Variants in ZRANB3 observed in about 807,000 individuals in gnomAD.
ZRANB3 encodes DNA annealing helicase and endonuclease ZRANB3.
In ZRANB3, 125 loss-of-function variants were observed where a neutral mutation model predicts 133.8. The ratio of observed to expected loss-of-function variants is 0.93; its 90% CI spans 0.81 to 1.08. The LOEUF is 1.08. Ranked by LOEUF, ZRANB3 falls within the 50% of genes least tolerant of loss-of-function variation. The probability of loss-of-function intolerance (pLI) is 0.00; values close to 1 mark genes in which losing one functional copy is unlikely to be tolerated. For missense variants in ZRANB3, 1,229 were observed against 1,275.5 expected (o/e 0.96, Z 0.56); for synonymous variants, 387 against 432.7 (o/e 0.89, Z 1.31).
At chr2:135,426,889 T>A (rs1383550671) in intron 2 of ZRANB3, among the ~76,000 whole-genome samples, 6 of 55,246 alleles carry the variant, frequency 1.1e-4, no homozygotes, top group African/African-American at 2.4e-4. Context: ...TATATATATA[T>A]ATATATATAT....
At chr2:135,233,792 A>G (rs1298006425) in intron 12 of ZRANB3, among the ~76,000 whole-genome samples, 2 of 152,210 alleles carry the variant, frequency 1.3e-5, no homozygotes, top group East Asian at 3.8e-4. Context: ...TCCTGAAGGA[A>G]GCACTAAACA....
At chr2:135,233,378 T>C (rs1007655612) in intron 12 of ZRANB3, among the ~76,000 whole-genome samples, 1 of 152,202 alleles carries the variant, frequency 6.6e-6, no homozygotes, top group Non-Finnish European at 1.5e-5. Flanking sequence ...TGCAGGATAT[T>C]ATCCGGGAGA....
chr2:135,286,208 T>G (rs751827097), intron 8 of ZRANB3, among the ~76,000 whole-genome samples: 108 of 151,692 alleles, frequency 7.1e-4, no homozygotes, highest in Non-Finnish European at 6.3e-4. Context: ...GTGTAGTCTT[T>G]TATCCCTTAC....
At chr2:135,397,014 C>T (rs1385980344) in intron 2 of ZRANB3, among the ~76,000 whole-genome samples, 4 of 152,002 alleles carry the variant, frequency 2.6e-5, no homozygotes, top group Admixed American at 2.0e-4. Context: ...GTAGTCTCAG[C>T]TACTAGGGAT....
Position 135,218,487 on chromosome 2 carries a change from G to A in ZRANB3, c.2352+590C>T, listed in dbSNP as rs368265477. Among the ~76,000 whole-genome samples the A allele has an allele frequency of 2.2e-4, 33 of 151,618 alleles. No individual in the cohort carries two copies. In the South Asian group the frequency reaches 5.9e-3, roughly 27 times the overall value. On this transcript the variant is annotated intron_variant, in intron 16 of 20. Transcript: ENST00000264159. ...TTTAAAACAGGTATAGTTGACCTACGGGCAATGCTTCATTTCCACTCAAAT... is the reference window on the plus strand; with the variant it reads ...TTTAAAACAGGTATAGTTGACCTACAGGCAATGCTTCATTTCCACTCAAAT...
At chr2:135,345,084 A>G (rs2104865796) in intron 6 of ZRANB3, 1 of 152,400 alleles carries the variant, frequency 6.6e-6, no homozygotes, top group Non-Finnish European at 1.5e-5. Flanking sequence ...TTTCAAAAAT[A>G]AAAAGTAGAA....
chr2:135,392,004 A>G (rs1687257427), intron 2 of ZRANB3, among the ~76,000 whole-genome samples: 1 of 152,208 alleles, frequency 6.6e-6, no homozygotes, highest in Non-Finnish European at 1.5e-5. Flanking sequence ...ATTAAGTAGC[A>G]GAAAAACAAG....
chr2:135,341,825 C>T (rs1333369393), intron 6 of ZRANB3, among the ~76,000 whole-genome samples: 1 of 149,994 alleles, frequency 6.7e-6, no homozygotes, highest in Non-Finnish European at 1.5e-5. Context: ...CCTGCAGCGC[C>T]CCCAGGCTTA....
intron 2 of ZRANB3, among the ~76,000 whole-genome samples, chr2:135,446,342 CTT>C (rs1690022614): frequency 1.3e-5 from 2 of 152,048 alleles, no homozygotes; most frequent in African/African-American, 4.8e-5. Context: ...TATAATACTT[CTT>C]GTCTGATAGC....
intron 8 of ZRANB3, among the ~76,000 whole-genome samples, chr2:135,283,614 TA>T (rs58462815): frequency 0.23 from 28,285 of 123,544 alleles, 4,259 homozygotes; most frequent in African/African-American, 0.45. Context: ...AGACTCTGTC[TA>T]AAAAAAAAAA....
In ZRANB3 at chr2:135,275,736, T is replaced by C. The variant is rs1175331662; in HGVS notation, c.986A>G (p.Tyr329Cys). ...ATCATTCTGAAGCATCATCTTAATA[T>C]AATCCTTTACAGCACCTGCCTAAAT... Reference protein sequence around the residue: ...AIAKAGAVKDYIKMMLQNDSL... With the variant: ...AIAKAGAVKDCIKMMLQNDSL... Residue 329 changes from tyrosine (Y) to cysteine (C), a missense_variant, in exon 9 of 21, where the codon TAT (tyrosine) becomes TGT (cysteine). Coordinates refer to ENST00000264159, the MANE Select transcript of ZRANB3 (RefSeq NM_032143.4). 1.3e-6 allele frequency: 2 copies of C among 1,589,138 alleles called. No homozygotes were observed. Among genetic ancestry groups the C allele is most frequent in the East Asian group, 2.3e-5 (1 of 44,042 alleles).
intron 3 of ZRANB3, among the ~76,000 whole-genome samples, chr2:135,381,708 C>G (rs1449784494): frequency 2.0e-5 from 3 of 152,218 alleles, no homozygotes; most frequent in Admixed American, 6.5e-5. Flanking sequence ...GTTCTGCAGA[C>G]TCCGCTGGTG....
At chr2:135,522,363 A>T (rs1693983220) in intron 1 of ZRANB3, among the ~76,000 whole-genome samples, 1 of 152,212 alleles carries the variant, frequency 6.6e-6, no homozygotes, top group South Asian at 2.1e-4. Context: ...CCGATGCTCC[A>T]GTCCCCTGGA....
chr2:135,274,644 T>C (rs1004204252), intron 9 of ZRANB3, among the ~76,000 whole-genome samples: 1 of 152,146 alleles, frequency 6.6e-6, no homozygotes, highest in African/African-American at 2.4e-5. Flanking sequence ...TTTTAGTATT[T>C]ATTGATCATT....
intron 12 of ZRANB3, among the ~76,000 whole-genome samples, chr2:135,243,979 T>G (rs181075531): frequency 1.3e-5 from 2 of 151,570 alleles, no homozygotes; most frequent in Non-Finnish European, 2.9e-5. Flanking sequence ...CATAGCTATA[T>G]ATATAAAATA....
chr2:135,408,259 T>A (rs2104950116), intron 2 of ZRANB3, among the ~76,000 whole-genome samples: 1 of 152,160 alleles, frequency 6.6e-6, no homozygotes, highest in East Asian at 1.9e-4. Context: ...GAAATGCAGA[T>A]CAAAACCACA....
intron 3 of ZRANB3, among the ~76,000 whole-genome samples, chr2:135,381,382 T>C (rs1021534062): frequency 3.3e-5 from 5 of 152,292 alleles, no homozygotes; most frequent in African/African-American, 1.2e-4. Context: ...CCCACGGCAG[T>C]TCAATGAGGT....
intron 2 of ZRANB3, among the ~76,000 whole-genome samples, chr2:135,409,131 G>A (rs1038481977): frequency 2.6e-5 from 4 of 152,036 alleles, no homozygotes; most frequent in African/African-American, 7.2e-5. Context: ...GGTGAAGGAG[G>A]AGCAGACACA....
intron 12 of ZRANB3, among the ~76,000 whole-genome samples, chr2:135,257,913 C>A (rs2105102983): frequency 6.6e-6 from 1 of 152,274 alleles, no homozygotes; most frequent in South Asian, 2.1e-4. Flanking sequence ...GGCTGTATGA[C>A]CTCGGGCAGA....
Sources: gnomAD v4.1 joint callset for allele counts (sites outside exome capture counted in the v4.1 genomes callset) on GRCh38, gnomAD v4.1.1 for gene constraint, MANE v1.5 for transcripts, NCBI Gene and HGNC (gene_info 2026-07-23, HGNC 2026-07-21) for gene names.